The following TNFRSF10A variants were observed in gnomAD, a reference collection of about 807,000 sequenced individuals.
TNFRSF10A encodes the protein tumor necrosis factor receptor superfamily member 10A.
A neutral mutation model predicts 42.8 loss-of-function variants in TNFRSF10A; 44 were observed. The observed-to-expected ratio is 1.03, with a 90% CI of 0.81 to 1.32. The LOEUF is 1.32. Among genes scored for constraint, TNFRSF10A ranks in the 40% most tolerant of loss-of-function variants. The pLI is 0.00. For missense variants in TNFRSF10A, 680 were observed against 602.0 expected, an observed-to-expected ratio of 1.13 and a Z score of -1.36; for synonymous variants, 259 against 234.2, an observed-to-expected ratio of 1.11 and a Z score of -0.97.
At chr8:23,210,081 T>C (rs1227008507) in intron 2 of TNFRSF10A, among the ~76,000 whole-genome samples, 1 of 152,210 alleles carries the variant, frequency 6.6e-6, no homozygotes, top group East Asian at 1.9e-4. Context: ...GGAGTTTTCC[T>C]GTACAAGCTC....
intron 7 of TNFRSF10A, 37 bp from the exon 8 acceptor site, chr8:23,199,485 C>T (rs1194595158): frequency 1.3e-6 from 2 of 1,597,004 alleles, no homozygotes. Context: ...AAGCCCACAC[C>T]CAGGGCTCCC....
chr8:23,193,204 G>T (rs541721718), intron 9 of TNFRSF10A, among the ~76,000 whole-genome samples: 6 of 152,150 alleles, frequency 3.9e-5, no homozygotes, highest in Admixed American at 1.3e-4. Flanking sequence ...TGAGGTTTTG[G>T]TAACAGGTTT....
At chr8:23,196,527 A>T (rs541380517) in intron 9 of TNFRSF10A, among the ~76,000 whole-genome samples, 2 of 151,610 alleles carry the variant, frequency 1.3e-5, no homozygotes, top group Non-Finnish European at 2.9e-5. Context: ...TACTATATAA[A>T]CCCCTAGTTT....
At chr8:23,214,743 C>T (rs11785328) in intron 1 of TNFRSF10A, among the ~76,000 whole-genome samples, 34,659 of 152,068 alleles carry the variant, frequency 0.23, 4,861 homozygotes, top group Non-Finnish European at 0.31. Flanking sequence ...CACAGACATA[C>T]ACACGCTTTT....
At chr8:23,194,153 T>C (rs1585278412) in intron 9 of TNFRSF10A, among the ~76,000 whole-genome samples, 1 of 152,190 alleles carries the variant, frequency 6.6e-6, no homozygotes, top group East Asian at 1.9e-4. Flanking sequence ...TGTATTACTG[T>C]CTCATGGAGA....
intron 2 of TNFRSF10A, among the ~76,000 whole-genome samples, chr8:23,203,717 A>G (rs1425239799): frequency 2.0e-5 from 3 of 152,254 alleles, no homozygotes; most frequent in Non-Finnish European, 4.4e-5. Context: ...TACCAATTAT[A>G]AAAATGTGGT....
rs1800902861 is a variant in TNFRSF10A at position 23,200,836 on chromosome 8, T to C, written c.630-76A>G. On this transcript the variant is annotated intron_variant, in intron 4 of 9. Coordinates refer to ENST00000221132, the MANE Select transcript of TNFRSF10A (RefSeq NM_003844.4). ...AGGTGGGATGAAAGAGGAGCCACTC[T>C]CCCTGCCCAATGTCCCTGAGAAGGC... 27 of 1,353,906 alleles carry C rather than the reference T, an allele frequency of 2.0e-5. No individual in the cohort carries two copies. The East Asian group carries it at 6.2e-4, about 31-fold the overall frequency. The allele number at this position is 1,353,906 out of a possible 1,614,324, so 83.9% of individuals were successfully genotyped here. A position where few individuals can be genotyped will look rare whatever the true frequency, so the allele number is the denominator to read the frequency against.
At chr8:23,220,223 C>A (rs1017923969) in intron 1 of TNFRSF10A, among the ~76,000 whole-genome samples, 2 of 152,188 alleles carry the variant, frequency 1.3e-5, no homozygotes, top group Admixed American at 1.3e-4. Context: ...GGGACTTCCT[C>A]CTCCTAAATC....
At chr8:23,198,488 G>A (rs1182773932) in intron 8 of TNFRSF10A, among the ~76,000 whole-genome samples, 1 of 152,146 alleles carries the variant, frequency 6.6e-6, no homozygotes, top group Non-Finnish European at 1.5e-5. Context: ...GTCTGAATGT[G>A]AGAAAAAGCA....
intron 1 of TNFRSF10A, among the ~76,000 whole-genome samples, chr8:23,216,819 T>G (rs974186295): frequency 6.6e-6 from 1 of 152,244 alleles, no homozygotes; most frequent in African/African-American, 2.4e-5. Context: ...GTATGTTGCT[T>G]AATATTCACA....
At position 23,224,756 on chromosome 8, in the gene TNFRSF10A, C is replaced by G; in HGVS notation, c.306G>C (p.Gln102His). 1 of 1,563,982 alleles carries G rather than the reference C, an allele frequency of 6.4e-7. No individual in the cohort carries two copies. Among genetic ancestry groups the G allele is most frequent in the Non-Finnish European group, 8.7e-7 (1 of 1,154,424 alleles). The change falls in exon 1 of 10, where the codon CAG becomes CAC. Residue 102 changes from glutamine (Q) to histidine (H), a missense_variant and splice_region_variant. By Grantham distance (24) the Gln-to-His change is conservative. Coordinates refer to ENST00000221132, the MANE Select transcript of TNFRSF10A (RefSeq NM_003844.4). ...AGGCAGGACCGCGGTGGGGACTCAC[C>G]TGCAGCAGGACCCCGACGACGACAA... ...FKFVVVGVLLQVVPSSAATIK... is the reference protein window; with the variant it reads ...FKFVVVGVLLHVVPSSAATIK...
At chr8:23,199,982 G>A in intron 6 of TNFRSF10A, 65 bp from the exon 7 acceptor site, 2 of 1,598,964 alleles carry the variant, frequency 1.3e-6, no homozygotes, top group Admixed American at 3.3e-5. Context: ...TTCTTAGAGG[G>A]CAGTGTTGGG....
At chr8:23,207,448 C>A (rs959927076) in intron 2 of TNFRSF10A, 4 of 454,858 alleles carry the variant, frequency 8.8e-6, no homozygotes, top group African/African-American at 6.0e-5. Context: ...GATGCCTTTA[C>A]CACTGAATGA....
chr8:23,224,769 C>T lies in TNFRSF10A; in HGVS notation c.293G>A (p.Gly98Glu). Residue 98 changes from glycine to glutamate, a missense_variant, in exon 1 of 10, where the codon GGG (glycine) becomes GAG (glutamate). Transcript: ENST00000221132. Reference sequence around the variant, plus strand: ...GTGGGGACTCACCTGCAGCAGGACCCCGACGACGACAAACTTGAAGGTCTT... The same window carrying T: ...GTGGGGACTCACCTGCAGCAGGACCTCGACGACGACAAACTTGAAGGTCTT... ...VHKTFKFVVV[G>E]VLLQVVPSSA... The T allele has an allele frequency of 6.4e-7, 1 of 1,567,500 alleles. No homozygotes were observed. The highest frequency in any genetic ancestry group is 8.6e-7 in the Non-Finnish European group (1 of 1,156,370).
intron 1 of TNFRSF10A, among the ~76,000 whole-genome samples, chr8:23,212,658 T>C (rs1381503381): frequency 6.6e-6 from 1 of 152,276 alleles, no homozygotes; most frequent in African/African-American, 2.4e-5. Flanking sequence ...ATAAAGCTGC[T>C]ATGAACACGG....
At chr8:23,200,357 T>G in intron 6 of TNFRSF10A, 148 bp downstream of exon 6, 1 of 859,196 alleles carries the variant, frequency 1.2e-6, no homozygotes. Context: ...TTGCACAGGA[T>G]GGGAGGATGG....
At chr8:23,198,153 G>A (rs182911974) in intron 8 of TNFRSF10A, among the ~76,000 whole-genome samples, 10 of 152,182 alleles carry the variant, frequency 6.6e-5, no homozygotes, top group African/African-American at 2.4e-4. Context: ...GGGACCCAAA[G>A]CAGAGGGAAA....
intron 2 of TNFRSF10A, among the ~76,000 whole-genome samples, chr8:23,211,691 T>G (rs1209748040): frequency 1.3e-5 from 2 of 152,208 alleles, no homozygotes; most frequent in Admixed American, 6.5e-5. Flanking sequence ...TATAGATCAA[T>G]GGAAAAGAAT....
At chr8:23,213,779 G>C (rs1801134116) in intron 1 of TNFRSF10A, among the ~76,000 whole-genome samples, 1 of 151,964 alleles carries the variant, frequency 6.6e-6, no homozygotes, top group Admixed American at 6.6e-5. Context: ...TATGTAAAAG[G>C]TAGATTGTTC....
Sources: gnomAD v4.1 joint callset for allele counts (sites outside exome capture counted in the v4.1 genomes callset) on GRCh38, gnomAD v4.1.1 for gene constraint, MANE v1.5 for transcripts, NCBI Gene and HGNC (gene_info 2026-07-23, HGNC 2026-07-21) for gene names.